Variants in NBEAL1 observed in about 807,000 individuals in gnomAD.
NBEAL1 encodes the protein neurobeachin like 1.
A neutral mutation model predicts 351.3 loss-of-function variants in NBEAL1; 273 were observed. The ratio of observed to expected loss-of-function variants is 0.78; its 90% CI spans 0.70 to 0.86. The LOEUF is 0.86. Ranked by LOEUF, NBEAL1 falls within the 40% of genes least tolerant of loss-of-function variation. The pLI is 0.00. For missense variants in NBEAL1, 2,961 were observed against 3,201.3 expected (o/e 0.92, Z 1.81); for synonymous variants, 1,050 against 1,086.4 (o/e 0.97, Z 0.66).
Position 203,035,434 on chromosome 2 carries a change from G to T in NBEAL1, c.52-6331G>T, listed in dbSNP as rs1441305936. 1.3e-5 allele frequency among the ~76,000 whole-genome samples: 2 copies of T among 149,390 alleles called. 1 individual carries two copies. The highest frequency in any genetic ancestry group is 3.0e-5 in the Non-Finnish European group (2 of 66,578). ...TTATTTGTCTTAATTAATGGCAGATGGGACGATTGGATGAATATTTAAGTA... is the reference window on the plus strand; with the variant it reads ...TTATTTGTCTTAATTAATGGCAGATTGGACGATTGGATGAATATTTAAGTA... On this transcript the variant is annotated intron_variant, in intron 2 of 55. Coordinates refer to ENST00000683969, the MANE Select transcript of NBEAL1 (RefSeq NM_001378026.1).
chr2:203,208,538 T>C, intron 51 of NBEAL1, 99 bp from the exon 52 acceptor site: 1 of 759,244 alleles, frequency 1.3e-6, no homozygotes, highest in South Asian at 1.5e-5. Flanking sequence ...CTAGTTGCAA[T>C]GTTAGTTTGT....
chr2:203,062,204 C>T lies in NBEAL1; in HGVS notation c.515+4751C>T. 2.2e-6 allele frequency: 1 copy of T among 454,774 alleles called. No individual in the cohort carries two copies. Among genetic ancestry groups the T allele is most frequent in the Non-Finnish European group, 4.4e-6 (1 of 226,140 alleles). The allele number at this position is 454,774 out of a possible 1,614,324, so 28.2% of individuals were successfully genotyped here. A position where few individuals can be genotyped will look rare whatever the true frequency, so the allele number is the denominator to read the frequency against. ...TGTTTACCTTCACACAGTCTCTCTA[C>T]CATATGACTTACATTTCTCCCATAT... On this transcript the variant is annotated intron_variant, in intron 6 of 55. Transcript: ENST00000683969. This position sits in a 1 kb window ranked among gnomAD's most constrained non-coding sequence, Gnocchi z 4.2.
intron 51 of NBEAL1, among the ~76,000 whole-genome samples, chr2:203,206,081 G>A (rs376607778): frequency 6.6e-6 from 1 of 152,168 alleles, no homozygotes; most frequent in East Asian, 1.9e-4. Context: ...TCTGGAAGAT[G>A]ACTCAGAGAG....
chr2:203,040,024 A>G (rs1450144452), intron 2 of NBEAL1: 7 of 591,830 alleles, frequency 1.2e-5, no homozygotes, highest in African/African-American at 1.9e-5. Flanking sequence ...AAGAAGGAGT[A>G]AAAATAGGCC....
chr2:203,194,890 A>G (rs1360521328), intron 47 of NBEAL1, among the ~76,000 whole-genome samples: 2 of 152,302 alleles, frequency 1.3e-5, no homozygotes, highest in African/African-American at 4.8e-5. Context: ...AAAAATGTTT[A>G]TGAGTTTTAT....
chr2:203,130,251 T>A, intron 24 of NBEAL1, 67 bp from the exon 25 acceptor site: 3 of 1,374,616 alleles, frequency 2.2e-6, no homozygotes, highest in Non-Finnish European at 2.9e-6. Flanking sequence ...CTTTTGTGGC[T>A]TATGACCTTA....
intron 2 of NBEAL1, among the ~76,000 whole-genome samples, chr2:203,034,169 T>G (rs2061000461): frequency 6.6e-6 from 1 of 151,590 alleles, no homozygotes; most frequent in Admixed American, 6.6e-5. Flanking sequence ...CTTTTTTTTT[T>G]TTTTTTTGAG....
chr2:203,028,839 G>A (rs984277712), intron 2 of NBEAL1, among the ~76,000 whole-genome samples: 6 of 151,880 alleles, frequency 4.0e-5, no homozygotes, highest in African/African-American at 1.5e-4. Context: ...TATTTTTAGA[G>A]CAGTTTTAGG....
intron 6 of NBEAL1, among the ~76,000 whole-genome samples, chr2:203,065,067 G>A (rs941029870): frequency 6.6e-6 from 1 of 151,912 alleles, no homozygotes; most frequent in African/African-American, 2.4e-5. Flanking sequence ...AGGCCAACCT[G>A]GGCAACATAG....
chr2:203,083,916 T>C (rs1161582832), intron 9 of NBEAL1, among the ~76,000 whole-genome samples: 7 of 152,032 alleles, frequency 4.6e-5, no homozygotes, highest in African/African-American at 1.7e-4. Flanking sequence ...TAGAGGTCGC[T>C]TCAAAAATCT....
At chr2:203,178,318 C>T (rs1447495294) in intron 42 of NBEAL1, among the ~76,000 whole-genome samples, 4 of 151,964 alleles carry the variant, frequency 2.6e-5, no homozygotes, top group Non-Finnish European at 5.9e-5. Context: ...GTGTGCACCA[C>T]CACACTCAAG....
At chr2:203,172,189 T>G (rs540663918) in intron 40 of NBEAL1, among the ~76,000 whole-genome samples, 166 bp downstream of exon 40, 1 of 152,280 alleles carries the variant, frequency 6.6e-6, no homozygotes, top group Admixed American at 6.5e-5. Flanking sequence ...ACATGAAAAC[T>G]AATTTAAATA....
rs1174871370 is a variant in NBEAL1, at chr2:203,213,596, T to G, written c.8013T>G (p.Ile2671Met). Reference protein sequence around the residue: ...CVCVTKEYSHILVGLEDGKLI... With the variant: ...CVCVTKEYSHMLVGLEDGKLI... ...GTGTCACCAAAGAATACAGCCATAT[T>G]CTTGTAGGTTTAGAAGATGGCAAAT... The change falls in exon 55 of 56, where the codon ATT becomes ATG. Residue 2671 changes from isoleucine to methionine, a missense_variant. Coordinates refer to ENST00000683969, the MANE Select transcript of NBEAL1 (RefSeq NM_001378026.1). 1 of 1,614,132 alleles carries G rather than the reference T, an allele frequency of 6.2e-7. No homozygotes were observed.
chr2:203,119,250 C>G (rs2062770099), intron 18 of NBEAL1, among the ~76,000 whole-genome samples: 1 of 151,048 alleles, frequency 6.6e-6, no homozygotes, highest in Admixed American at 6.6e-5. Context: ...TCATTGTAGC[C>G]TCATCCTCCT....
At chr2:203,174,969 T>C (rs755860831) in intron 41 of NBEAL1, among the ~76,000 whole-genome samples, 178 bp from the exon 42 acceptor site, 1 of 152,050 alleles carries the variant, frequency 6.6e-6, no homozygotes, top group Non-Finnish European at 1.5e-5. Context: ...TATTAAGCAA[T>C]AAAATTTTTT....
In NBEAL1 at chr2:203,107,772, T is replaced by C; in HGVS notation, c.1533T>C (p.Thr511=). ...GTTGTATTAATAGACAGAGTCGAAC[T>C]ACTTGTGTCAATGCAAACATGGGGA... ...RICCINRQSR[T]TCVNANMGIR... is the part of the protein sequence containing the mutation. Residue 511 remains threonine (T), a synonymous_variant, in exon 14 of 56, where the codon ACT becomes ACC. Coordinates refer to ENST00000683969, the MANE Select transcript of NBEAL1 (RefSeq NM_001378026.1). The C allele has an allele frequency of 6.4e-7, 1 of 1,554,450 alleles. No homozygotes were observed. Among genetic ancestry groups the C allele is most frequent in the Non-Finnish European group, 8.7e-7 (1 of 1,147,706 alleles).
At chr2:203,211,956 T>C (rs180779659) in intron 54 of NBEAL1, among the ~76,000 whole-genome samples, 2 of 152,034 alleles carry the variant, frequency 1.3e-5, no homozygotes, top group South Asian at 4.1e-4. Context: ...GGCATGATAT[T>C]GGCTCACTGC....
At chr2:203,168,648 C>T (rs556290331) in intron 38 of NBEAL1, among the ~76,000 whole-genome samples, 1 of 152,200 alleles carries the variant, frequency 6.6e-6, no homozygotes, top group South Asian at 2.1e-4. Flanking sequence ...ATAGTCCTAG[C>T]ACTTTGGGAG....
chr2:203,025,276 A>G (rs1253753725), intron 2 of NBEAL1, among the ~76,000 whole-genome samples: 1 of 152,260 alleles, frequency 6.6e-6, no homozygotes. Flanking sequence ...GTCGCGAGGT[A>G]GTTTTCCCTA....
Sources: gnomAD v4.1 joint callset for allele counts (sites outside exome capture counted in the v4.1 genomes callset) on GRCh38, gnomAD v4.1.1 for gene constraint, Gnocchi (gnomAD v3.1) non-coding constraint, MANE v1.5 for transcripts, NCBI Gene and HGNC (gene_info 2026-07-23, HGNC 2026-07-21) for gene names.